MLLT10: variants seen among roughly 807,000 people sequenced by gnomAD.
MLLT10 encodes the protein protein AF-10.
MLLT10 carries 30 observed loss-of-function variants against 129.1 expected under a neutral mutation model. That is an observed-to-expected ratio of 0.23 (90% confidence interval 0.17 to 0.32). MLLT10 has a LOEUF of 0.32. MLLT10 is among the 10% of genes least tolerant of loss of function. The pLI, the probability that MLLT10 is intolerant of heterozygous loss-of-function variation, is 1.00. For synonymous variants in MLLT10, 490 were observed against 446.4 expected, an observed-to-expected ratio of 1.10 and a Z score of -1.23; for missense variants, 1,119 against 1,268.3, an observed-to-expected ratio of 0.88 and a Z score of 1.79.
intron 10 of MLLT10, among the ~76,000 whole-genome samples, chr10:21,672,168 A>AGTGTGTGTGTGT (rs55769872): frequency 0.011 from 1,437 of 134,354 alleles, 14 homozygotes; most frequent in African/African-American, 0.023. Flanking sequence ...CCAGGTTTTC[A>AGTGTGTGTGTGT]GTGTGTGTGT....
chr10:21,676,121 C>T (rs997614041), intron 11 of MLLT10, among the ~76,000 whole-genome samples: 9 of 152,074 alleles, frequency 5.9e-5, no homozygotes, highest in Non-Finnish European at 1.3e-4. Flanking sequence ...ATTTTTAAAA[C>T]GTTGTGTTTA....
chr10:21,535,653 C>T (rs2033836676), intron 2 of MLLT10, among the ~76,000 whole-genome samples: 1 of 152,216 alleles, frequency 6.6e-6, no homozygotes, highest in Non-Finnish European at 1.5e-5. Flanking sequence ...GACTTTTCCC[C>T]ATTTCACGTG....
chr10:21,645,902 T>G (rs1335794054), intron 8 of MLLT10, among the ~76,000 whole-genome samples: 1 of 152,166 alleles, frequency 6.6e-6, no homozygotes, highest in African/African-American at 2.4e-5. Flanking sequence ...GCACTAAACT[T>G]AAGTTAAAAA....
rs116170877 is a variant in MLLT10, at chr10:21,624,749, G to C, written c.699+7542G>C. The C allele has an allele frequency of 1.2e-3, 1,419 of 1,233,894 alleles. 9 individuals carry two copies. In the African/African-American group the frequency reaches 0.018, roughly 16 times the overall value. 76.4% of individuals were successfully genotyped at this position (1,233,894 alleles called of 1,614,324 possible). On this transcript the variant is annotated intron_variant, in intron 8 of 22. Coordinates refer to ENST00000307729, the MANE Select transcript of MLLT10 (RefSeq NM_001195626.3). ...GTTGGTCTGACGATGCTTGGAATCA[G>C]GTTGGTTGTAAGCATCTGCCTTCTC...
chr10:21,557,494 T>C (rs2038195728), intron 3 of MLLT10: 1 of 155,072 alleles, frequency 6.4e-6, no homozygotes, highest in African/African-American at 2.4e-5. Context: ...ATCTGGTCTT[T>C]AGTTACATCA....
chr10:21,632,893 A>T (rs1317654533), intron 8 of MLLT10, among the ~76,000 whole-genome samples: 1 of 152,188 alleles, frequency 6.6e-6, no homozygotes, highest in Non-Finnish European at 1.5e-5. Flanking sequence ...AAACTATGAC[A>T]CAGCAGTATT....
intron 21 of MLLT10, chr10:21,738,350 A>C: frequency 8.1e-7 from 1 of 1,239,382 alleles, no homozygotes; most frequent in East Asian, 5.6e-5. Context: ...ATGAGCACTA[A>C]AACTCCATTT....
chr10:21,618,342 G>A (rs1033138512), intron 8 of MLLT10, among the ~76,000 whole-genome samples: 107 of 146,404 alleles, frequency 7.3e-4, no homozygotes, highest in African/African-American at 2.5e-3. Flanking sequence ...CTAAAAATAC[G>A]AAAAAAAAAA....
At chr10:21,569,991 T>C (rs1412759476) in intron 3 of MLLT10, among the ~76,000 whole-genome samples, 1 of 151,926 alleles carries the variant, frequency 6.6e-6, no homozygotes, top group East Asian at 1.9e-4. Context: ...CTCATTGCAA[T>C]CTCTGCCTCC....
intron 13 of MLLT10, among the ~76,000 whole-genome samples, chr10:21,708,227 C>T (rs1486350131): frequency 6.6e-6 from 1 of 152,164 alleles, no homozygotes; most frequent in African/African-American, 2.4e-5. Context: ...GTCATTGCCA[C>T]CCTCTGTACC....
At chr10:21,727,990 T>C in intron 16 of MLLT10, 62 bp downstream of exon 16, 1 of 1,355,568 alleles carries the variant, frequency 7.4e-7, no homozygotes, top group Non-Finnish European at 1.0e-6. Flanking sequence ...GGAAACTTTC[T>C]TATCTCATAT....
intron 13 of MLLT10, among the ~76,000 whole-genome samples, chr10:21,698,893 G>A (rs2054621159): frequency 6.6e-6 from 1 of 152,044 alleles, no homozygotes; most frequent in Non-Finnish European, 1.5e-5. Context: ...GTTTGGTTTT[G>A]AGACGGAGTC....
At position 21,534,317 on chromosome 10, in the gene MLLT10, C is replaced by CCCG. The variant is rs1554774992; in HGVS notation, c.-202_-201insGCC. On this transcript the variant is annotated 5_prime_UTR_variant, in exon 1 of 23. Coordinates refer to ENST00000307729, the MANE Select transcript of MLLT10 (RefSeq NM_001195626.3). ...CTGGCCCAGCGGGAGCCCCCCCTCC[C>CCCG]CCCAGTGCGCCTGTGCGGAGGCCCT... 4 of 394,878 alleles carry CCCG rather than the reference C, an allele frequency of 1.0e-5. 1 individual carries two copies. The highest frequency in any genetic ancestry group is 1.8e-5 in the Non-Finnish European group (4 of 222,508). The allele number at this position is 394,878 out of a possible 1,614,324, so 24.5% of individuals were successfully genotyped here.
intron 17 of MLLT10, 58 bp downstream of exon 17, chr10:21,731,112 CAGAT>C: frequency 6.8e-7 from 1 of 1,465,466 alleles, no homozygotes; most frequent in Non-Finnish European, 9.3e-7. Context: ...GACAAACAGG[CAGAT>C]GGATGCAGAA....
intron 16 of MLLT10, among the ~76,000 whole-genome samples, chr10:21,730,527 G>T (rs1234768174): frequency 6.6e-6 from 1 of 152,062 alleles, no homozygotes; most frequent in Non-Finnish European, 1.5e-5. Flanking sequence ...AAAGCAGAAT[G>T]GTGAAACCCT....
intron 21 of MLLT10, among the ~76,000 whole-genome samples, chr10:21,737,996 G>A (rs1398078945): frequency 4.6e-5 from 7 of 152,276 alleles, no homozygotes; most frequent in Admixed American, 2.6e-4. Context: ...CTGGCCGGGC[G>A]TGGTGGCTCA....
intron 3 of MLLT10, among the ~76,000 whole-genome samples, chr10:21,547,062 GT>G (rs2036202051): frequency 6.6e-6 from 1 of 151,966 alleles, no homozygotes; most frequent in South Asian, 2.1e-4. Flanking sequence ...TAGAAATGGG[GT>G]TTTACCATGT....
intron 2 of MLLT10, among the ~76,000 whole-genome samples, chr10:21,536,153 C>G (rs1223720609): frequency 6.6e-6 from 1 of 152,194 alleles, no homozygotes; most frequent in Non-Finnish European, 1.5e-5. Flanking sequence ...GTTGGCCAGG[C>G]TGGTCTCAAA....
In MLLT10 at chr10:21,642,262, A is replaced by T. The variant is rs908381969; in HGVS notation, c.700-9411A>T. On this transcript the variant is annotated intron_variant, in intron 8 of 22. Transcript: ENST00000307729. ...CAGCTACACTGGAGGCTGAGGCAGAAGAATGGCTTGAACCCGGAGGCAGAG... is the reference window on the plus strand; with the variant it reads ...CAGCTACACTGGAGGCTGAGGCAGATGAATGGCTTGAACCCGGAGGCAGAG... Among the ~76,000 whole-genome samples the T allele has an allele frequency of 5.8e-4, 89 of 152,228 alleles. 2 individuals carry two copies. The highest frequency in any genetic ancestry group is 1.1e-3 in the Non-Finnish European group (73 of 68,036).
Sources: gnomAD v4.1 joint callset for allele counts (sites outside exome capture counted in the v4.1 genomes callset) on GRCh38, gnomAD v4.1.1 for gene constraint, MANE v1.5 for transcripts, NCBI Gene and HGNC (gene_info 2026-07-23, HGNC 2026-07-21) for gene names.